Variants in ATRNL1 observed in about 807,000 individuals in gnomAD.
ATRNL1 encodes the protein attractin-like protein 1.
Under a neutral mutation model 182.7 loss-of-function variants are expected in ATRNL1, and 95 were observed. That is an observed-to-expected ratio of 0.52 (90% CI 0.44 to 0.62). ATRNL1 has a LOEUF of 0.62. Among genes scored for constraint, ATRNL1 ranks in the 20% least tolerant of loss-of-function variants. The probability of loss-of-function intolerance (pLI) is 0.00; values close to 1 mark genes in which losing one functional copy is unlikely to be tolerated. For missense variants in ATRNL1, 1,471 were observed against 1,679.5 expected (o/e 0.88, Z 2.17); for synonymous variants, 576 against 568.3 (o/e 1.01, Z -0.19).
At chr10:115,298,841 T>C (rs1165249789) in intron 15 of ATRNL1, among the ~76,000 whole-genome samples, 1 of 152,058 alleles carries the variant, frequency 6.6e-6, no homozygotes, top group Non-Finnish European at 1.5e-5. Flanking sequence ...ATCAGATCTA[T>C]TGTCATAACA....
intron 26 of ATRNL1, among the ~76,000 whole-genome samples, chr10:115,621,694 A>C (rs1857780421): frequency 2.0e-5 from 3 of 152,126 alleles, no homozygotes; most frequent in African/African-American, 7.2e-5. Context: ...CCCTGAAAGA[A>C]GGTTGTTCTG....
At chr10:115,106,106 G>A (rs572336624) in intron 1 of ATRNL1, among the ~76,000 whole-genome samples, 1 of 152,282 alleles carries the variant, frequency 6.6e-6, no homozygotes, top group African/African-American at 2.4e-5. Flanking sequence ...AAGCCACAGG[G>A]TCGGAGCTGC....
chr10:115,707,087 C>G (rs1470871010), intron 26 of ATRNL1, among the ~76,000 whole-genome samples: 1 of 151,782 alleles, frequency 6.6e-6, no homozygotes, highest in Non-Finnish European at 1.5e-5. Flanking sequence ...CAGGCAGGTA[C>G]TAATCCGTGT....
intron 27 of ATRNL1, among the ~76,000 whole-genome samples, chr10:115,765,176 T>A (rs1233564459): frequency 6.6e-6 from 1 of 152,128 alleles, no homozygotes; most frequent in Admixed American, 6.6e-5. Flanking sequence ...TTCAGCTCCT[T>A]TGGGTAGGTA....
At chr10:115,573,144 A>G (rs1854503992) in intron 26 of ATRNL1, among the ~76,000 whole-genome samples, 1 of 152,144 alleles carries the variant, frequency 6.6e-6, no homozygotes, top group Non-Finnish European at 1.5e-5. Context: ...ATTGGATCAC[A>G]TGTGGGCTCA....
chr10:115,793,121 G>A (rs1023206143), intron 27 of ATRNL1, among the ~76,000 whole-genome samples: 2 of 151,830 alleles, frequency 1.3e-5, no homozygotes, highest in African/African-American at 2.4e-5. Flanking sequence ...TTAAGGGTTC[G>A]GCACTGAACT....
At chr10:115,887,072 C>T (rs1334300377) in intron 28 of ATRNL1, among the ~76,000 whole-genome samples, 1 of 152,150 alleles carries the variant, frequency 6.6e-6, no homozygotes, top group African/African-American at 2.4e-5. Flanking sequence ...GACTAGTGAA[C>T]ATGTTAAAAA....
intron 26 of ATRNL1, among the ~76,000 whole-genome samples, chr10:115,615,848 T>C (rs1157385475): frequency 6.6e-6 from 1 of 152,180 alleles, no homozygotes; most frequent in African/African-American, 2.4e-5. Flanking sequence ...ATTTTCTTTA[T>C]AAATTACCCA....
At chr10:115,885,889 A>G (rs1951933009) in intron 28 of ATRNL1, among the ~76,000 whole-genome samples, 1 of 152,196 alleles carries the variant, frequency 6.6e-6, no homozygotes, top group African/African-American at 2.4e-5. Context: ...TCATTTTACT[A>G]TTCACCATGT....
At chr10:115,715,366 G>A (rs1947216336) in intron 26 of ATRNL1, among the ~76,000 whole-genome samples, 1 of 152,154 alleles carries the variant, frequency 6.6e-6, no homozygotes. Context: ...TTGCCACCCA[G>A]AGTAGACATA....
At chr10:115,709,042 A>T (rs1946983979) in intron 26 of ATRNL1, among the ~76,000 whole-genome samples, 2 of 151,890 alleles carry the variant, frequency 1.3e-5, no homozygotes, top group African/African-American at 4.8e-5. Flanking sequence ...AGTAGACTGA[A>T]TAATAATTTA....
At chr10:115,853,770 A>T (rs1421494289) in intron 28 of ATRNL1, among the ~76,000 whole-genome samples, 1 of 152,246 alleles carries the variant, frequency 6.6e-6, no homozygotes, top group African/African-American at 2.4e-5. Flanking sequence ...CACAAAGAAG[A>T]AAGAAAAAGT....
intron 27 of ATRNL1, among the ~76,000 whole-genome samples, chr10:115,802,876 T>C (rs1328975481): frequency 6.6e-6 from 1 of 152,212 alleles, no homozygotes; most frequent in East Asian, 1.9e-4. Context: ...TTGCAATTTG[T>C]TACCTGTTTT....
chr10:115,219,275 G>C (rs1554896896), intron 9 of ATRNL1, among the ~76,000 whole-genome samples: 2 of 151,500 alleles, frequency 1.3e-5, no homozygotes, highest in Non-Finnish European at 2.9e-5. Context: ...TGTGTGCTTT[G>C]CACCCATCTC....
intron 5 of ATRNL1, among the ~76,000 whole-genome samples, chr10:115,136,085 A>G (rs369458584): frequency 3.3e-5 from 5 of 152,014 alleles, no homozygotes; most frequent in East Asian, 1.9e-4. Context: ...ACTGGTCTCA[A>G]ACTCCTGGGC....
rs562792940 is a variant in ATRNL1 at position 115,856,715 on chromosome 10, G to A, written c.4018+8724G>A. Among the ~76,000 whole-genome samples the A allele has an allele frequency of 1.8e-4, 28 of 152,138 alleles. No individual in the cohort carries two copies. The South Asian group carries it at 2.7e-3, about 15-fold the overall frequency. On this transcript the variant is annotated intron_variant, in intron 28 of 28. Coordinates refer to ENST00000355044, the MANE Select transcript of ATRNL1 (RefSeq NM_207303.4). ...ACATGCGCAGTTCACAATAGGGTTCGTGCTCCTTTGAGAATCTAATGCCTC... is the reference window on the plus strand; with the variant it reads ...ACATGCGCAGTTCACAATAGGGTTCATGCTCCTTTGAGAATCTAATGCCTC...
chr10:115,293,499 T>C (rs1425743701), intron 15 of ATRNL1, among the ~76,000 whole-genome samples: 3 of 152,186 alleles, frequency 2.0e-5, no homozygotes, highest in Non-Finnish European at 4.4e-5. Context: ...CATGGCTTTT[T>C]GTAGTGATAT....
intron 9 of ATRNL1, among the ~76,000 whole-genome samples, chr10:115,219,333 T>A (rs1252354579): frequency 6.6e-6 from 1 of 152,084 alleles, no homozygotes; most frequent in Non-Finnish European, 1.5e-5. Context: ...TGTACTTTAA[T>A]GTGGTTGATA....
intron 26 of ATRNL1, among the ~76,000 whole-genome samples, chr10:115,647,889 G>T (rs1188201911): frequency 6.6e-6 from 1 of 152,134 alleles, no homozygotes; most frequent in Non-Finnish European, 1.5e-5. Flanking sequence ...GTCCTGAAGG[G>T]TATTGCCTAG....
Sources: allele counts gnomAD v4.1 joint callset (sites outside exome capture counted in the v4.1 genomes callset), GRCh38; gene constraint gnomAD v4.1.1; transcripts MANE v1.5; gene names NCBI Gene and HGNC (gene_info 2026-07-23, HGNC 2026-07-21).